SRC: variants seen among roughly 807,000 people sequenced by gnomAD.
SRC encodes the protein proto-oncogene tyrosine-protein kinase Src.
SRC carries 13 observed loss-of-function variants against 62.9 expected under a neutral mutation model. The ratio of observed to expected loss-of-function variants is 0.21; its 90% CI spans 0.13 to 0.33. The LOEUF (loss-of-function observed/expected upper bound fraction) is 0.33, where lower values mean the gene tolerates loss of function less well. SRC is among the 10% of genes least tolerant of loss of function. SRC has a pLI of 1.00. For synonymous variants in SRC, 302 were observed against 317.5 expected, an observed-to-expected ratio of 0.95 and a Z score of 0.52; for missense variants, 457 against 737.3, an observed-to-expected ratio of 0.62 and a Z score of 4.40.
intron 1 of SRC, among the ~76,000 whole-genome samples, chr20:37,354,196 A>G (rs1440730598): frequency 2.6e-5 from 4 of 152,164 alleles, no homozygotes; most frequent in Admixed American, 6.5e-5. Flanking sequence ...TGCTTTCCAG[A>G]TGGGGAAACT....
intron 1 of SRC, among the ~76,000 whole-genome samples, chr20:37,348,995 G>A (rs2069761750): frequency 6.6e-6 from 1 of 152,196 alleles, no homozygotes; most frequent in African/African-American, 2.4e-5. Flanking sequence ...GAGTGGGTAA[G>A]AGGTAGAATG....
intron 5 of SRC, among the ~76,000 whole-genome samples, chr20:37,391,333 T>C (rs1385646061): frequency 1.3e-5 from 2 of 152,166 alleles, no homozygotes; most frequent in Non-Finnish European, 2.9e-5. Flanking sequence ...CTACTGTGCC[T>C]GGCTGTGGAC....
rs1186308773 is a variant in SRC at position 37,384,335 on chromosome 20, C to A, written c.182C>A (p.Pro61His). 2 of 1,467,418 alleles carry A rather than the reference C, an allele frequency of 1.4e-6. No homozygotes were observed. Among genetic ancestry groups the A allele is most frequent in the Admixed American group, 5.2e-5 (2 of 38,374 alleles). 90.9% of individuals were successfully genotyped at this position (1,467,418 alleles called of 1,614,324 possible). ...GCCTTCGCCCCCGCGGCCGCCGAGC[C>A]CAAGCTGTTCGGAGGCTTCAACTCC... ...SAAFAPAAAEPKLFGGFNSSD... is the reference protein window; with the variant it reads ...SAAFAPAAAEHKLFGGFNSSD... Residue 61 changes from proline (P) to histidine (H), a missense_variant, in exon 4 of 14, where the codon CCC (proline) becomes CAC (histidine). Pro to His is a moderately conservative substitution (Grantham distance 77). Coordinates refer to ENST00000373578, the MANE Select transcript of SRC (RefSeq NM_198291.3). This position sits in a 1 kb window ranked among gnomAD's most constrained non-coding sequence, Gnocchi z 6.7.
At position 37,397,295 on chromosome 20, in the gene SRC, C is replaced by T. The variant is rs76463647; in HGVS notation, c.704-404C>T. 2.0e-5 allele frequency among the ~76,000 whole-genome samples: 3 copies of T among 152,314 alleles called. No individual in the cohort carries two copies. Among genetic ancestry groups the T allele is most frequent in the South Asian group, 2.1e-4 (1 of 4,830 alleles). On this transcript the variant is annotated intron_variant, in intron 8 of 13. Transcript: ENST00000373578. This position sits in a 1 kb window ranked among gnomAD's most constrained non-coding sequence, Gnocchi z 4.1. ...CACATCCAAGCTCAGTTGCTGCTTC[C>T]TCCAGGAAGCCTTCCAGGCCACTCC...
rs1255455378 is a variant in SRC at position 37,405,187 on chromosome 20, C to T, written c.*1808C>T. 1.3e-5 allele frequency: 3 copies of T among 232,336 alleles called. No homozygotes were observed. The highest frequency in any genetic ancestry group is 1.2e-4 in the East Asian group (2 of 16,482). The allele number at this position is 232,336 out of a possible 1,614,324, so 14.4% of individuals were successfully genotyped here. A position where few individuals can be genotyped will look rare whatever the true frequency, so the allele number is the denominator to read the frequency against. ...CCCCAGCGAGCTCTCAAATCCCTCT[C>T]CAACTGCCTAAGGCCCTTTGTGTAA... On this transcript the variant is annotated 3_prime_UTR_variant, in exon 14 of 14. Coordinates refer to ENST00000373578, the MANE Select transcript of SRC (RefSeq NM_198291.3).
rs1182247021 is a variant in SRC, at chr20:37,384,219, G to A, written c.66G>A (p.Glu22=). The A allele has an allele frequency of 2.5e-6, 4 of 1,595,220 alleles. No homozygotes were observed. Among genetic ancestry groups the A allele is most frequent in the African/African-American group, 2.7e-5 (2 of 73,244 alleles). ...GGCGCCGCAGCCTGGAGCCCGCCGA[G>A]AACGTGCACGGCGCTGGCGGGGGCG... is the stretch of plus-strand genomic sequence containing the variant. ...SQRRRSLEPA[E]NVHGAGGGAF... The change falls in exon 4 of 14, where the codon GAG becomes GAA. Residue 22 remains glutamate, a synonymous_variant. Transcript: ENST00000373578. The surrounding 1 kb of genome is among the most constrained non-coding windows in gnomAD (Gnocchi z 6.7).
chr20:37,368,811 A>G (rs1172244200), intron 2 of SRC, among the ~76,000 whole-genome samples: 1 of 151,954 alleles, frequency 6.6e-6, no homozygotes, highest in Non-Finnish European at 1.5e-5. Flanking sequence ...TCGGCCTCCC[A>G]AAGTGCTGGG....
At chr20:37,387,034 C>T (rs1000663046) in intron 5 of SRC, among the ~76,000 whole-genome samples, 17 of 152,158 alleles carry the variant, frequency 1.1e-4, no homozygotes, top group Admixed American at 7.2e-4. Flanking sequence ...GGGCAGCTTG[C>T]GGGAGGGTGC....
chr20:37,394,087 C>T, intron 6 of SRC, 87 bp from the exon 7 acceptor site: 1 of 1,546,618 alleles, frequency 6.5e-7, no homozygotes, highest in Non-Finnish European at 8.9e-7. Flanking sequence ...TCTGGCTGTC[C>T]AGCGCCCCAG....
intron 5 of SRC, among the ~76,000 whole-genome samples, chr20:37,388,884 C>T (rs2070497492): frequency 6.6e-6 from 1 of 152,118 alleles, no homozygotes; most frequent in Non-Finnish European, 1.5e-5. Context: ...CACACCTCAT[C>T]CCGGGGACCC....
intron 1 of SRC, among the ~76,000 whole-genome samples, chr20:37,361,696 G>T (rs1440381903): frequency 6.6e-6 from 1 of 152,216 alleles, no homozygotes; most frequent in African/African-American, 2.4e-5. Context: ...GATGACCTAC[G>T]GCTGGGAGAG....
At position 37,384,304 on chromosome 20, in the gene SRC, A is replaced by G. The variant is rs1414132534; in HGVS notation, c.151A>G (p.Ser51Gly). Reference sequence around the variant, plus strand: ...CTCGGCCGACGGCCACCGCGGCCCCAGCGCGGCCTTCGCCCCCGCGGCCGC... The same window carrying G: ...CTCGGCCGACGGCCACCGCGGCCCCGGCGCGGCCTTCGCCCCCGCGGCCGC... ...PASADGHRGP[S>G]AAFAPAAAEP... The change falls in exon 4 of 14, where the codon AGC becomes GGC. Residue 51 changes from serine to glycine, a missense_variant. This residue lies in a region of SRC where 132 missense variants were observed against 135.4 expected (regional missense o/e 0.98). Transcript: ENST00000373578. This position sits in a 1 kb window ranked among gnomAD's most constrained non-coding sequence, Gnocchi z 6.7. 1.4e-6 allele frequency: 2 copies of G among 1,477,950 alleles called. No individual in the cohort carries two copies. The highest frequency in any genetic ancestry group is 1.8e-6 in the Non-Finnish European group (2 of 1,121,410). The allele number at this position is 1,477,950 out of a possible 1,614,324, so 91.6% of individuals were successfully genotyped here.
At chr20:37,350,084 C>T (rs1027496328) in intron 1 of SRC, among the ~76,000 whole-genome samples, 4 of 152,328 alleles carry the variant, frequency 2.6e-5, no homozygotes, top group Non-Finnish European at 4.4e-5. Context: ...TTTCCTGCCT[C>T]GGTGTGTGTC....
chr20:37,395,687 G>C (rs989086047), intron 7 of SRC, among the ~76,000 whole-genome samples: 1 of 152,150 alleles, frequency 6.6e-6, no homozygotes, highest in African/African-American at 2.4e-5. Flanking sequence ...CAGTGCCCCC[G>C]CAAGCTGACC....
rs111597289 is a variant in SRC, at chr20:37,346,485, G to A, written c.-247+230G>A. 7.2e-3 allele frequency among the ~76,000 whole-genome samples: 1,089 copies of A among 152,046 alleles called. 18 individuals carry two copies. The highest frequency in any genetic ancestry group is 0.025 in the African/African-American group (1,039 of 41,528). Reference sequence around the variant, plus strand: ...TGCAGCGGGGGGAGGGGGCTGGGCGGGGGGGGCGCAGGGTTCCTGGCTGCG... The same window carrying A: ...TGCAGCGGGGGGAGGGGGCTGGGCGAGGGGGGCGCAGGGTTCCTGGCTGCG... On this transcript the variant is annotated intron_variant, in intron 1 of 13. Coordinates refer to ENST00000373578, the MANE Select transcript of SRC (RefSeq NM_198291.3).
At chr20:37,381,932 C>T (rs961605642) in intron 2 of SRC, among the ~76,000 whole-genome samples, 5 of 152,144 alleles carry the variant, frequency 3.3e-5, no homozygotes, top group Non-Finnish European at 7.4e-5. Flanking sequence ...GCTGGGTGGT[C>T]CCCAGGGAGC....
At chr20:37,363,808 C>G (rs6018038) in intron 1 of SRC, among the ~76,000 whole-genome samples, 10,322 of 152,190 alleles carry the variant, frequency 0.068, 914 homozygotes, top group African/African-American at 0.21. Flanking sequence ...ACATGCAGAG[C>G]GTTAGGGATT....
rs768061751 is a variant in SRC at position 37,397,682 on chromosome 20, T to C, written c.704-17T>C. 4 of 1,544,694 alleles carry C rather than the reference T, an allele frequency of 2.6e-6. No homozygotes were observed. The South Asian group carries it at 5.0e-5, about 19-fold the overall frequency. Reference sequence around the variant, plus strand: ...GGCAGAAGACCCGCCTAACTGCTCCTCCTGCCTCCTCCTCAGAACACGCCG... The same window carrying C: ...GGCAGAAGACCCGCCTAACTGCTCCCCCTGCCTCCTCCTCAGAACACGCCG... On this transcript the variant is annotated splice_polypyrimidine_tract_variant and intron_variant, in intron 8 of 13. Coordinates refer to ENST00000373578, the MANE Select transcript of SRC (RefSeq NM_198291.3). The surrounding 1 kb of genome is among the most constrained non-coding windows in gnomAD (Gnocchi z 4.1).
Position 37,384,329 on chromosome 20 carries a change from C to T in SRC, c.176C>T (p.Ala59Val), listed in dbSNP as rs866133137. The part of the protein sequence containing the change: ...GPSAAFAPAA[A>V]EPKLFGGFNS... ...AGCGCGGCCTTCGCCCCCGCGGCCG[C>T]CGAGCCCAAGCTGTTCGGAGGCTTC... The change falls in exon 4 of 14, where the codon GCC becomes GTC. Residue 59 changes from alanine to valine, a missense_variant. Ala to Val is a moderately conservative substitution (Grantham distance 64). Transcript: ENST00000373578. The surrounding 1 kb of genome is among the most constrained non-coding windows in gnomAD (Gnocchi z 6.7). 6.8e-7 allele frequency: 1 copy of T among 1,465,918 alleles called. No individual in the cohort carries two copies. The highest frequency in any genetic ancestry group is 9.0e-7 in the Non-Finnish European group (1 of 1,114,126). The allele number at this position is 1,465,918 out of a possible 1,614,324, so 90.8% of individuals were successfully genotyped here. A position where few individuals can be genotyped will look rare whatever the true frequency, so the allele number is the denominator to read the frequency against.
Sources: gnomAD v4.1 joint callset for allele counts (sites outside exome capture counted in the v4.1 genomes callset) on GRCh38, gnomAD v4.1.1 for gene constraint, gnomAD v4.1.1 regional missense constraint, Gnocchi (gnomAD v3.1) non-coding constraint, MANE v1.5 for transcripts, NCBI Gene and HGNC (gene_info 2026-07-23, HGNC 2026-07-21) for gene names.